Variants in TENM3 observed in about 807,000 individuals in gnomAD.
The protein encoded by TENM3 is teneurin-3.
In TENM3, 63 loss-of-function variants were observed where a neutral mutation model predicts 255.1. The observed-to-expected ratio is 0.25, with a 90% CI of 0.20 to 0.30. TENM3 has a LOEUF of 0.30. TENM3 is among the 10% of genes least tolerant of loss of function. The pLI is 1.00. For synonymous variants in TENM3, 1,306 were observed against 1,322.3 expected, an observed-to-expected ratio of 0.99 and a Z score of 0.27; for missense variants, 2,929 against 3,461.1, an observed-to-expected ratio of 0.85 and a Z score of 3.86.
the TENM3 span, among the ~76,000 whole-genome samples, chr4:181,753,808 G>C: frequency 6.6e-6 from 1 of 152,164 alleles, no homozygotes; most frequent in Non-Finnish European, 1.5e-5. Context: ...AGATGGCAGA[G>C]TGACTTAGAG....
At chr4:182,021,073 C>T in the TENM3 span, among the ~76,000 whole-genome samples, 1 of 152,056 alleles carries the variant, frequency 6.6e-6, no homozygotes, top group Non-Finnish European at 1.5e-5. Flanking sequence ...CCCACAGGAA[C>T]TTTTTCAACC....
chr4:182,407,096 G>A (rs1769635139), intron 3 of TENM3, among the ~76,000 whole-genome samples: 1 of 152,156 alleles, frequency 6.6e-6, no homozygotes, highest in South Asian at 2.1e-4. Flanking sequence ...AGGCTGATCT[G>A]TGATGTGTGG....
At chr4:182,097,059 G>A in the TENM3 span, among the ~76,000 whole-genome samples, 2,416 of 152,194 alleles carry the variant, frequency 0.016, 75 homozygotes, top group African/African-American at 0.054. Context: ...TACTTATGGT[G>A]GGAGAGGGGG....
intron 1 of TENM3, among the ~76,000 whole-genome samples, chr4:182,246,345 G>GCCCCCCCCCC (rs142338490): frequency 7.4e-5 from 11 of 149,474 alleles, no homozygotes; most frequent in Non-Finnish European, 1.5e-4. Flanking sequence ...TTCGCTATGA[G>GCCCCCCCCCC]CCCCCACCCC....
chr4:182,764,983 A>G (rs190705275), intron 22 of TENM3, among the ~76,000 whole-genome samples: 5 of 152,322 alleles, frequency 3.3e-5, no homozygotes, highest in African/African-American at 1.2e-4. Context: ...GTAAGGGCAA[A>G]AGAGGATCAA....
intron 12 of TENM3, among the ~76,000 whole-genome samples, chr4:182,701,894 C>G (rs150744926): frequency 2.0e-5 from 3 of 152,290 alleles, no homozygotes; most frequent in African/African-American, 7.2e-5. Context: ...TATATCCTGT[C>G]TGCTCAGTAT....
chr4:182,339,192 G>A (rs1046693783), intron 2 of TENM3, among the ~76,000 whole-genome samples: 2 of 152,034 alleles, frequency 1.3e-5, no homozygotes, highest in Admixed American at 6.6e-5. Flanking sequence ...AGATCCACTG[G>A]GCTAATTACT....
At chr4:182,287,611 G>A (rs185041482) in intron 1 of TENM3, among the ~76,000 whole-genome samples, 6 of 150,952 alleles carry the variant, frequency 4.0e-5, no homozygotes, top group African/African-American at 1.5e-4. Flanking sequence ...TTCATTTATT[G>A]TTTATTTATT....
the TENM3 span, among the ~76,000 whole-genome samples, chr4:181,676,989 C>CTTTT: frequency 6.2e-4 from 86 of 137,682 alleles, 1 homozygote; most frequent in African/African-American, 1.2e-3. Context: ...CCGATTTTAT[C>CTTTT]TTTTTTTTTT....
chr4:182,778,867 CTGAGA>C (rs1166880211), intron 24 of TENM3, among the ~76,000 whole-genome samples: 3 of 150,834 alleles, frequency 2.0e-5, no homozygotes, highest in Admixed American at 1.3e-4. Flanking sequence ...TAGCAGCGAT[CTGAGA>C]TAAGGTTTCA....
rs1004383719 is a variant in TENM3, at chr4:182,522,081, T to A, written c.512-78843T>A. 2.6e-5 allele frequency among the ~76,000 whole-genome samples: 4 copies of A among 152,244 alleles called. No individual in the cohort carries two copies. In the East Asian group the frequency reaches 7.7e-4, roughly 29 times the overall value. On this transcript the variant is annotated intron_variant, in intron 3 of 27. Coordinates refer to ENST00000511685, the MANE Select transcript of TENM3 (RefSeq NM_001080477.4). The stretch of plus-strand genomic sequence containing the variant: ...TTATTGATAGAGCTGTACGTGTTTT[T>A]AAGTACATGTGATATTTTGATGCAT...
chr4:182,123,940 T>A, the TENM3 span, among the ~76,000 whole-genome samples: 1 of 152,180 alleles, frequency 6.6e-6, no homozygotes, highest in Admixed American at 6.5e-5. Context: ...TGGAATAACT[T>A]GAAGTGTCAG....
At chr4:182,309,283 C>G (rs1276375146) in intron 1 of TENM3, among the ~76,000 whole-genome samples, 1 of 152,118 alleles carries the variant, frequency 6.6e-6, no homozygotes, top group African/African-American at 2.4e-5. Flanking sequence ...AGGAAGGTGC[C>G]GTGTGGCTGG....
intron 1 of TENM3, among the ~76,000 whole-genome samples, chr4:182,209,247 C>T (rs1463916384): frequency 1.3e-5 from 2 of 151,116 alleles, no homozygotes; most frequent in African/African-American, 2.4e-5. Flanking sequence ...GGATTACAGG[C>T]GTGAGCCACC....
intron 3 of TENM3, among the ~76,000 whole-genome samples, chr4:182,464,192 T>C (rs1732352517): frequency 6.6e-6 from 1 of 152,136 alleles, no homozygotes; most frequent in African/African-American, 2.4e-5. Context: ...CAATATGAAC[T>C]ATTCAGCTAT....
At chr4:182,306,006 G>A (rs954451810) in intron 1 of TENM3, among the ~76,000 whole-genome samples, 10 of 152,064 alleles carry the variant, frequency 6.6e-5, no homozygotes, top group African/African-American at 2.4e-4. Flanking sequence ...CCGTCCATAT[G>A]GGAGGAGCTG....
At chr4:181,508,588 C>T in the TENM3 span, among the ~76,000 whole-genome samples, 3 of 152,166 alleles carry the variant, frequency 2.0e-5, no homozygotes, top group Admixed American at 6.5e-5. Flanking sequence ...AGCTTTAATA[C>T]GTACATACAC....
At chr4:181,690,652 A>T in the TENM3 span, among the ~76,000 whole-genome samples, 10 of 9,550 alleles carry the variant, frequency 1.0e-3, no homozygotes, top group African/African-American at 1.8e-3. Context: ...AAAGGAGATA[A>T]AAAAAAAAAT....
At chr4:182,439,891 C>T (rs1233338456) in intron 3 of TENM3, among the ~76,000 whole-genome samples, 1 of 152,160 alleles carries the variant, frequency 6.6e-6, no homozygotes, top group African/African-American at 2.4e-5. Flanking sequence ...CTCCAACTTC[C>T]CAGACGGTGC....
Sources: allele counts gnomAD v4.1 joint callset (sites outside exome capture counted in the v4.1 genomes callset), GRCh38; gene constraint gnomAD v4.1.1; transcripts MANE v1.5; gene names NCBI Gene and HGNC (gene_info 2026-07-23, HGNC 2026-07-21).